NCLN: variants seen among roughly 807,000 people sequenced by gnomAD.
NCLN encodes the protein nicalin.
In NCLN, 34 loss-of-function variants were observed where a neutral mutation model predicts 69.5. The observed-to-expected ratio is 0.49, with a 90% CI of 0.37 to 0.65. The LOEUF (loss-of-function observed/expected upper bound fraction) is 0.65. NCLN is among the 30% of genes least tolerant of loss of function. The pLI, the probability that NCLN is intolerant of heterozygous loss-of-function variation, is 0.00. For missense variants in NCLN, 710 were observed against 804.8 expected (o/e 0.88, Z 1.42); for synonymous variants, 393 against 358.3 (o/e 1.10, Z -1.09).
At chr19:3,195,573 G>A (rs1462450023) in intron 3 of NCLN, among the ~76,000 whole-genome samples, 2 of 152,086 alleles carry the variant, frequency 1.3e-5, no homozygotes, top group Non-Finnish European at 2.9e-5. Flanking sequence ...TACCTATGAT[G>A]ATTGTGTTTT....
rs1458073740 is a variant in NCLN, at chr19:3,209,477, GGTC to G, written c.*1793_*1795del. 1 of 152,298 alleles carries G rather than the reference GGTC, an allele frequency of 6.6e-6. No homozygotes were observed. Among genetic ancestry groups the G allele is most frequent in the Non-Finnish European group, 1.5e-5 (1 of 68,072 alleles). The allele number at this position is 152,298 out of a possible 1,614,324, so 9.4% of individuals were successfully genotyped here. A position where few individuals can be genotyped will look rare whatever the true frequency, so the allele number is the denominator to read the frequency against. ...AGCTTCCTTCCTTCCTTCCTGGACA[GGTC>G]GTCATGATGGATGCACTGACTGACC... On this transcript the variant is annotated 3_prime_UTR_variant, in exon 15 of 15. Coordinates refer to ENST00000246117, the MANE Select transcript of NCLN (RefSeq NM_020170.4).
intron 1 of NCLN, 122 bp from the exon 2 acceptor site, chr19:3,192,331 GCTTCTCGAATCGGTGGT>G: frequency 1.4e-6 from 1 of 693,666 alleles, no homozygotes; most frequent in South Asian, 2.2e-5. Context: ...GACCCTGGGA[GCTTCTCGAATCGGTGGT>G]CTTCCAGGTT....
At chr19:3,192,809 G>T in intron 2 of NCLN, 149 bp downstream of exon 2, 1 of 802,030 alleles carries the variant, frequency 1.2e-6, no homozygotes, top group Admixed American at 3.4e-5. Context: ...ATCTCCAAGG[G>T]GTGATTCTGT....
At position 3,192,457 on chromosome 19, in the gene NCLN, C is replaced by G; in HGVS notation, c.185-13C>G. 4 of 1,575,846 alleles carry G rather than the reference C, an allele frequency of 2.5e-6. No individual in the cohort carries two copies. Among genetic ancestry groups the G allele is most frequent in the Non-Finnish European group, 2.6e-6 (3 of 1,166,054 alleles). On this transcript the variant is annotated splice_polypyrimidine_tract_variant and intron_variant, in intron 1 of 14. Transcript: ENST00000246117. Reference sequence around the variant, plus strand: ...ACCCGCCGAGGCTCACGACCCCGCCCCTGTGCCCACAGGCACACGGAATGC... The same window carrying G: ...ACCCGCCGAGGCTCACGACCCCGCCGCTGTGCCCACAGGCACACGGAATGC...
At chr19:3,186,482 C>T (rs1249586729) in intron 1 of NCLN, among the ~76,000 whole-genome samples, 1 of 152,186 alleles carries the variant, frequency 6.6e-6, no homozygotes, top group Non-Finnish European at 1.5e-5. Context: ...ATGGCCGGGC[C>T]AAGCGTCCCG....
In NCLN at chr19:3,193,370, T is replaced by C. The variant is rs1363591281; in HGVS notation, c.462T>C (p.Ser154=). ...YFAVEDEALL[S]IYKQTQAASA... Reference sequence around the variant, plus strand: ...CCGTGGAGGACGAGGCCCTGCTGTCTATCTACAAGCAGACCCAGGCTGCCT... The same window carrying C: ...CCGTGGAGGACGAGGCCCTGCTGTCCATCTACAAGCAGACCCAGGCTGCCT... Residue 154 remains serine (S), a synonymous_variant, in exon 3 of 15, where the codon TCT becomes TCC. Coordinates refer to ENST00000246117, the MANE Select transcript of NCLN (RefSeq NM_020170.4). The C allele has an allele frequency of 4.3e-6, 7 of 1,612,252 alleles. No individual in the cohort carries two copies. The highest frequency in any genetic ancestry group is 2.2e-5 in the East Asian group (1 of 44,890).
chr19:3,206,957 G>A (rs990540779), intron 12 of NCLN, among the ~76,000 whole-genome samples: 12 of 152,090 alleles, frequency 7.9e-5, no homozygotes, highest in Admixed American at 3.9e-4. Context: ...GAGTAGCTGG[G>A]ATTACAGGCA....
intron 3 of NCLN, 35 bp from the exon 4 acceptor site, chr19:3,196,148 G>A (rs1177909551): frequency 1.6e-5 from 24 of 1,475,222 alleles, no homozygotes; most frequent in Non-Finnish European, 2.1e-5. Context: ...GGCCCTGGCT[G>A]GGCCAAGGCT....
At chr19:3,192,890 C>G (rs575532893) in intron 2 of NCLN, among the ~76,000 whole-genome samples, 1 of 152,286 alleles carries the variant, frequency 6.6e-6, no homozygotes, top group East Asian at 1.9e-4. Context: ...TGGATGGAGG[C>G]CAGGGATACT....
rs767154671 is a variant in NCLN at position 3,207,492 on chromosome 19, T to G, written c.1632+23T>G. 6 of 1,611,930 alleles carry G rather than the reference T, an allele frequency of 3.7e-6. No homozygotes were observed. In the South Asian group the frequency reaches 5.5e-5, roughly 15 times the overall value. On this transcript the variant is annotated intron_variant, in intron 14 of 14. Transcript: ENST00000246117. ...CAGGTGAGCAGTGCCCAGGCTCAGGTGGGGCAGGGGCCGCCCGCCGGGAGG... is the reference window on the plus strand; with the variant it reads ...CAGGTGAGCAGTGCCCAGGCTCAGGGGGGGCAGGGGCCGCCCGCCGGGAGG...
intron 5 of NCLN, among the ~76,000 whole-genome samples, chr19:3,200,660 C>T (rs546074895): frequency 1.8e-4 from 27 of 152,026 alleles, no homozygotes; most frequent in Non-Finnish European, 3.2e-4. Context: ...CATTTTAGAG[C>T]GTACGAGTGG....
chr19:3,208,460 C>G lies in NCLN; in HGVS notation c.*772C>G, dbSNP rs1297809029. 6.5e-6 allele frequency: 1 copy of G among 152,926 alleles called. No homozygotes were observed. The allele number at this position is 152,926 out of a possible 1,614,324, so 9.5% of individuals were successfully genotyped here. A position where few individuals can be genotyped will look rare whatever the true frequency, so the allele number is the denominator to read the frequency against. On this transcript the variant is annotated 3_prime_UTR_variant, in exon 15 of 15. Transcript: ENST00000246117. ...ACTCCTCTTCTCCCAGCCCATCCCT[C>G]CGGCCCCTGTGCCTCTGCGGCCCCA...
In NCLN at chr19:3,196,230, G is replaced by A. The variant is rs760507228; in HGVS notation, c.568G>A (p.Gly190Arg). 12 of 1,556,392 alleles carry A rather than the reference G, an allele frequency of 7.7e-6. No homozygotes were observed. The highest frequency in any genetic ancestry group is 2.4e-5 in the South Asian group (2 of 84,440). Reference sequence around the variant, plus strand: ...CAACGGCTTCCAGATGGTCACCAGCGGGGTACAGAGCAAGGCCGTGAGTGA... The same window carrying A: ...CAACGGCTTCCAGATGGTCACCAGCAGGGTACAGAGCAAGGCCGTGAGTGA... ...TANGFQMVTS[G>R]VQSKAVSDWL... Residue 190 changes from glycine (G) to arginine (R), a missense_variant, in exon 4 of 15, where the codon GGG (glycine) becomes AGG (arginine). Physicochemically the swap from Gly to Arg is moderately radical, Grantham distance 125. Transcript: ENST00000246117.
intron 6 of NCLN, among the ~76,000 whole-genome samples, chr19:3,202,027 C>T (rs543283307): frequency 2.6e-5 from 4 of 152,290 alleles, no homozygotes; most frequent in South Asian, 4.1e-4. Context: ...GCCAGGAACA[C>T]GCCATAGTCA....
At chr19:3,187,734 G>A (rs1449840632) in intron 1 of NCLN, among the ~76,000 whole-genome samples, 8 of 152,154 alleles carry the variant, frequency 5.3e-5, no homozygotes, top group Non-Finnish European at 1.0e-4. Context: ...AGAACGATCC[G>A]GCCCTAATGT....
At chr19:3,204,428 G>A in intron 8 of NCLN, 145 bp from the exon 9 acceptor site, 1 of 912,316 alleles carries the variant, frequency 1.1e-6, no homozygotes, top group Non-Finnish European at 1.6e-6. Flanking sequence ...GGCTCCAGCA[G>A]GCCTTAGGGG....
At chr19:3,187,563 C>A (rs772673954) in intron 1 of NCLN, among the ~76,000 whole-genome samples, 1 of 152,208 alleles carries the variant, frequency 6.6e-6, no homozygotes, top group Non-Finnish European at 1.5e-5. Flanking sequence ...CCCAGAGTTA[C>A]GATTTTTTTA....
chr19:3,202,670 C>G (rs1410211415), intron 6 of NCLN, among the ~76,000 whole-genome samples: 1 of 152,218 alleles, frequency 6.6e-6, no homozygotes. Context: ...ACTCGAACTC[C>G]TGGCCTCAAG....
rs1388190473 is a variant in NCLN, at chr19:3,204,896, CG to C, written c.1208+147del. 51 of 911,880 alleles carry C rather than the reference CG, an allele frequency of 5.6e-5. No individual in the cohort carries two copies. The African/African-American group carries it at 8.2e-4, about 15-fold the overall frequency. The allele number at this position is 911,880 out of a possible 1,614,324, so 56.5% of individuals were successfully genotyped here. A position where few individuals can be genotyped will look rare whatever the true frequency, so the allele number is the denominator to read the frequency against. On this transcript the variant is annotated intron_variant, in intron 9 of 14. Coordinates refer to ENST00000246117, the MANE Select transcript of NCLN (RefSeq NM_020170.4). Reference sequence around the variant, plus strand: ...GAAGGGGCCGGTGCGTGGCCAAGGCCGGCTGCACGGTCAGGCCGTTCGCAAG... The same window carrying C: ...GAAGGGGCCGGTGCGTGGCCAAGGCCGCTGCACGGTCAGGCCGTTCGCAAG...
Sources: gnomAD v4.1 joint callset for allele counts (sites outside exome capture counted in the v4.1 genomes callset) on GRCh38, gnomAD v4.1.1 for gene constraint, MANE v1.5 for transcripts, NCBI Gene and HGNC (gene_info 2026-07-23, HGNC 2026-07-21) for gene names.